Variants in ACYP2 observed in about 807,000 individuals in gnomAD.
The protein encoded by ACYP2 is acylphosphatase-2.
In ACYP2, 12 loss-of-function variants were observed where a neutral mutation model predicts 11.2. That is an observed-to-expected ratio of 1.08 (90% confidence interval 0.69 to 1.74). The LOEUF is 1.74. ACYP2 is among the 40% of genes most tolerant of loss of function. The pLI is 0.00. For missense variants in ACYP2, 134 were observed against 101.9 expected, an observed-to-expected ratio of 1.31 and a Z score of -1.35; for synonymous variants, 43 against 32.2, an observed-to-expected ratio of 1.33 and a Z score of -1.13.
In ACYP2 at chr2:53,971,156, T is replaced by A; in HGVS notation, c.-202T>A. The A allele has an allele frequency of 1.6e-5, 3 of 183,098 alleles. No individual in the cohort carries two copies. The highest frequency in any genetic ancestry group is 2.4e-5 in the African/African-American group (1 of 42,326). 11.3% of individuals were successfully genotyped at this position (183,098 alleles called of 1,614,324 possible). A position where few individuals can be genotyped will look rare whatever the true frequency, so the allele number is the denominator to read the frequency against. On this transcript the variant is annotated 5_prime_UTR_variant, in exon 1 of 7. Coordinates refer to ENST00000607452, the MANE Select transcript of ACYP2 (RefSeq NM_001320586.2). ...CCAACGGGCTGCGCCTTCTTCGCCG[T>A]GGGCCCGGCTCGGAGCCCCCACCCC... is the stretch of plus-strand genomic sequence containing the variant.
intron 4 of ACYP2, among the ~76,000 whole-genome samples, chr2:54,089,101 G>C (rs1388958517): frequency 3.3e-5 from 5 of 152,224 alleles, no homozygotes; most frequent in African/African-American, 1.2e-4. Context: ...TCGAAATGGA[G>C]TTGAGAAAGT....
intron 6 of ACYP2, among the ~76,000 whole-genome samples, chr2:54,265,886 A>C (rs1412987670): frequency 3.9e-5 from 6 of 152,222 alleles, no homozygotes; most frequent in African/African-American, 1.4e-4. Flanking sequence ...GTATTTGATA[A>C]ATATTGGCTC....
chr2:54,210,486 C>A, intron 6 of ACYP2, among the ~76,000 whole-genome samples: 1 of 152,082 alleles, frequency 6.6e-6, no homozygotes, highest in Non-Finnish European at 1.5e-5. Flanking sequence ...TAATTCACTT[C>A]CAATATGTTT....
At chr2:54,087,488 A>G (rs903394389) in intron 4 of ACYP2, among the ~76,000 whole-genome samples, 1 of 152,116 alleles carries the variant, frequency 6.6e-6, no homozygotes, top group Non-Finnish European at 1.5e-5. Context: ...AGCTAGGATT[A>G]TAGACATGTG....
chr2:54,206,384 A>G (rs1219127727), intron 6 of ACYP2, among the ~76,000 whole-genome samples: 3 of 152,158 alleles, frequency 2.0e-5, no homozygotes, highest in African/African-American at 7.2e-5. Context: ...ACTTTGAATT[A>G]TTCTCCTATC....
At chr2:54,182,304 C>T (rs758760129) in intron 6 of ACYP2, among the ~76,000 whole-genome samples, 3 of 151,702 alleles carry the variant, frequency 2.0e-5, no homozygotes, top group Admixed American at 1.3e-4. Flanking sequence ...ATGATCCACC[C>T]GCCTCAGCCT....
At chr2:54,102,193 T>C (rs1178204704) in intron 4 of ACYP2, among the ~76,000 whole-genome samples, 1 of 152,230 alleles carries the variant, frequency 6.6e-6, no homozygotes, top group African/African-American at 2.4e-5. Flanking sequence ...TGTTTCAGCA[T>C]ATCATCAATA....
intron 6 of ACYP2, among the ~76,000 whole-genome samples, chr2:54,222,202 A>T (rs1223747474): frequency 6.6e-6 from 1 of 152,160 alleles, no homozygotes; most frequent in African/African-American, 2.4e-5. Context: ...TGACTCCAAA[A>T]ATCATGCTAT....
intron 6 of ACYP2, among the ~76,000 whole-genome samples, chr2:54,229,744 A>G (rs1181127740): frequency 6.6e-6 from 1 of 152,236 alleles, no homozygotes; most frequent in Non-Finnish European, 1.5e-5. Context: ...TCTTAGAACT[A>G]GTTGTAAATA....
chr2:54,175,027 G>T (rs577585172), intron 6 of ACYP2, among the ~76,000 whole-genome samples: 1 of 152,288 alleles, frequency 6.6e-6, no homozygotes, highest in Non-Finnish European at 1.5e-5. Flanking sequence ...TTGGTATCAG[G>T]ATGATGCTGG....
intron 6 of ACYP2, among the ~76,000 whole-genome samples, chr2:54,265,289 A>G (rs1271152041): frequency 6.6e-6 from 1 of 152,226 alleles, no homozygotes; most frequent in Non-Finnish European, 1.5e-5. Flanking sequence ...CATGGATGGC[A>G]GCAGGCAAAG....
At chr2:54,290,957 A>G (rs1052984626) in intron 6 of ACYP2, among the ~76,000 whole-genome samples, 11 of 152,170 alleles carry the variant, frequency 7.2e-5, no homozygotes, top group African/African-American at 2.7e-4. Flanking sequence ...CAGAACCGTA[A>G]AGATGTATAC....
intron 6 of ACYP2, among the ~76,000 whole-genome samples, chr2:54,213,131 C>T (rs997489358): frequency 6.6e-6 from 1 of 152,080 alleles, no homozygotes; most frequent in African/African-American, 2.4e-5. Context: ...CTGTTGTTCC[C>T]TTCTTTGTGT....
At chr2:54,223,498 A>C (rs1238927494) in intron 6 of ACYP2, among the ~76,000 whole-genome samples, 2 of 152,210 alleles carry the variant, frequency 1.3e-5, no homozygotes, top group African/African-American at 4.8e-5. Flanking sequence ...TAGGAGCTTG[A>C]AAACTTGATA....
chr2:54,185,921 G>A (rs972793971), intron 6 of ACYP2, among the ~76,000 whole-genome samples: 1 of 151,712 alleles, frequency 6.6e-6, no homozygotes, highest in African/African-American at 2.4e-5. Context: ...TAAGCAAAAG[G>A]TAAATTGTTA....
chr2:54,020,443 A>G (rs1673944648), intron 2 of ACYP2, among the ~76,000 whole-genome samples: 1 of 152,240 alleles, frequency 6.6e-6, no homozygotes, highest in African/African-American at 2.4e-5. Context: ...CTTAAAAGAA[A>G]AAAAGCCAAA....
intron 6 of ACYP2, among the ~76,000 whole-genome samples, chr2:54,230,482 G>A (rs1417461787): frequency 6.6e-6 from 1 of 152,038 alleles, no homozygotes; most frequent in African/African-American, 2.4e-5. Flanking sequence ...TCAGCCGCCC[G>A]AGTAGCTGGG....
intron 6 of ACYP2, among the ~76,000 whole-genome samples, chr2:54,208,810 AT>A (rs2103925816): frequency 6.6e-6 from 1 of 152,228 alleles, no homozygotes; most frequent in Non-Finnish European, 1.5e-5. Flanking sequence ...CATAAATCAA[AT>A]TTTATGGGAG....
At chr2:54,200,360 A>G (rs1684703187) in intron 6 of ACYP2, among the ~76,000 whole-genome samples, 1 of 152,202 alleles carries the variant, frequency 6.6e-6, no homozygotes, top group Non-Finnish European at 1.5e-5. Flanking sequence ...AAATGAGATT[A>G]TAGAGGAAAT....
Sources: gnomAD v4.1 joint callset for allele counts (sites outside exome capture counted in the v4.1 genomes callset) on GRCh38, gnomAD v4.1.1 for gene constraint, MANE v1.5 for transcripts, NCBI Gene and HGNC (gene_info 2026-07-23, HGNC 2026-07-21) for gene names.